RUNX2: variants seen among roughly 807,000 people sequenced by gnomAD.
RUNX2 encodes the protein runt-related transcription factor 2.
A neutral mutation model predicts 51.7 loss-of-function variants in RUNX2; 10 were observed. That is an observed-to-expected ratio of 0.19 (90% CI 0.12 to 0.33). The LOEUF is 0.33. RUNX2 is among the 10% of genes least tolerant of loss of function. The probability of loss-of-function intolerance (pLI) is 1.00; values close to 1 mark genes in which losing one functional copy is unlikely to be tolerated. For synonymous variants in RUNX2, 276 were observed against 273.6 expected, an observed-to-expected ratio of 1.01 and a Z score of -0.09; for missense variants, 562 against 691.3, an observed-to-expected ratio of 0.81 and a Z score of 2.10.
At position 45,353,391 on chromosome 6, in the gene RUNX2, T is replaced by C. The variant is rs9357485; in HGVS notation, c.58+24607T>C. 2.4e-3 allele frequency among the ~76,000 whole-genome samples: 371 copies of C among 152,022 alleles called. 13 individuals are homozygous for C. The East Asian group carries it at 0.065, about 26-fold the overall frequency. ...TGGACTTGAACTATAATACTAACTA[T>C]TAAAACATATTAAGAAGCTATAATA... On this transcript the variant is annotated intron_variant, in intron 2 of 8. Transcript: ENST00000647337.
chr6:45,479,279 C>T (rs939210731), intron 5 of RUNX2, among the ~76,000 whole-genome samples: 7 of 152,188 alleles, frequency 4.6e-5, no homozygotes, highest in African/African-American at 7.2e-5. Flanking sequence ...CAGTGAGCTT[C>T]ATAGGTTCTT....
intron 2 of RUNX2, among the ~76,000 whole-genome samples, chr6:45,372,545 A>G (rs1485436958): frequency 6.6e-6 from 1 of 152,206 alleles, no homozygotes; most frequent in Non-Finnish European, 1.5e-5. Context: ...TTAATGATTT[A>G]TATTTGTATG....
chr6:45,465,719 T>C (rs554884161), intron 5 of RUNX2, among the ~76,000 whole-genome samples: 6 of 151,684 alleles, frequency 4.0e-5, no homozygotes, highest in Non-Finnish European at 8.8e-5. Context: ...TTTGGCTCAC[T>C]GAAGCCTCTA....
At chr6:45,500,389 T>C (rs544661731) in intron 6 of RUNX2, among the ~76,000 whole-genome samples, 2 of 152,364 alleles carry the variant, frequency 1.3e-5, no homozygotes, top group South Asian at 2.1e-4. Context: ...TTTAGGGCTT[T>C]GTTTATTGTA....
intron 7 of RUNX2, among the ~76,000 whole-genome samples, chr6:45,536,923 A>G (rs1802055311): frequency 6.6e-6 from 1 of 152,172 alleles, no homozygotes; most frequent in South Asian, 2.1e-4. Flanking sequence ...TGTGGGGTTA[A>G]TCACGAATTT....
chr6:45,464,272 A>G (rs1046255991), intron 5 of RUNX2, among the ~76,000 whole-genome samples: 2 of 152,092 alleles, frequency 1.3e-5, no homozygotes, highest in African/African-American at 4.8e-5. Flanking sequence ...TGTATCAGGG[A>G]CTGTGTCTTT....
chr6:45,467,396 C>G lies in RUNX2; in HGVS notation c.686-24545C>G, dbSNP rs1364509258. ...TCCCGGGTTCAAGCGATTCACCTAC[C>G]TCAGCCTCCCAAGTAACTGGGACTA... On this transcript the variant is annotated intron_variant, in intron 5 of 8. Coordinates refer to ENST00000647337, the MANE Select transcript of RUNX2 (RefSeq NM_001024630.4). Among the ~76,000 whole-genome samples, 6 of 152,272 alleles carry G rather than the reference C, an allele frequency of 3.9e-5. No individual in the cohort carries two copies. In the East Asian group the frequency reaches 7.7e-4, roughly 20 times the overall value.
intron 2 of RUNX2, among the ~76,000 whole-genome samples, chr6:45,409,237 C>A (rs528765773): frequency 6.6e-6 from 1 of 152,316 alleles, no homozygotes; most frequent in South Asian, 2.1e-4. Context: ...AGGAACAGAG[C>A]AACAGGATCA....
intron 5 of RUNX2, among the ~76,000 whole-genome samples, chr6:45,452,856 G>A (rs1300565568): frequency 6.6e-6 from 1 of 152,158 alleles, no homozygotes; most frequent in East Asian, 1.9e-4. Context: ...TACTCAGAAA[G>A]CCTATTTTTC....
intron 1 of RUNX2, 83 bp from the exon 2 acceptor site, chr6:45,328,578 C>A: frequency 1.3e-6 from 2 of 1,578,946 alleles, no homozygotes; most frequent in South Asian, 2.3e-5. Flanking sequence ...AATTTCTTGA[C>A]AGAAAAAAAT....
chr6:45,387,505 A>G (rs1407558764), intron 2 of RUNX2, among the ~76,000 whole-genome samples: 1 of 152,210 alleles, frequency 6.6e-6, no homozygotes, highest in East Asian at 1.9e-4. Context: ...GAGACAATGA[A>G]ATGCCCGAGA....
chr6:45,538,503 G>A (rs1802109692), intron 7 of RUNX2, among the ~76,000 whole-genome samples: 1 of 152,034 alleles, frequency 6.6e-6, no homozygotes, highest in Admixed American at 6.6e-5. Context: ...TTTTTAGGAG[G>A]GAAAGGCTAT....
chr6:45,419,961 T>TG (rs1798144205), intron 2 of RUNX2, among the ~76,000 whole-genome samples: 1 of 151,418 alleles, frequency 6.6e-6, no homozygotes, highest in African/African-American at 2.4e-5. Flanking sequence ...TGGAGGGATT[T>TG]GGGGAAGAGG....
chr6:45,349,267 C>A (rs1449040674), intron 2 of RUNX2, among the ~76,000 whole-genome samples: 1 of 152,190 alleles, frequency 6.6e-6, no homozygotes, highest in Non-Finnish European at 1.5e-5. Flanking sequence ...GTCCCACAAT[C>A]TTCCATTTAA....
chr6:45,478,330 T>G (rs1407761632), intron 5 of RUNX2, among the ~76,000 whole-genome samples: 3 of 152,266 alleles, frequency 2.0e-5, no homozygotes, highest in African/African-American at 7.2e-5. Flanking sequence ...ATTTGCATAG[T>G]GGTTTTACCT....
intron 7 of RUNX2, among the ~76,000 whole-genome samples, chr6:45,519,691 G>A (rs922146097): frequency 2.6e-5 from 4 of 151,144 alleles, no homozygotes; most frequent in African/African-American, 9.8e-5. Context: ...TTGGTAATAT[G>A]CATTTAAGTT....
chr6:45,527,093 G>T (rs937270669), intron 7 of RUNX2, among the ~76,000 whole-genome samples: 4 of 152,180 alleles, frequency 2.6e-5, no homozygotes, highest in African/African-American at 9.6e-5. Context: ...AAAAGAGTTA[G>T]CCCTGTCAAG....
intron 2 of RUNX2, among the ~76,000 whole-genome samples, chr6:45,342,020 G>A (rs1190269563): frequency 6.6e-6 from 1 of 151,922 alleles, no homozygotes; most frequent in Non-Finnish European, 1.5e-5. Context: ...ACGGAGACTG[G>A]ACTGAAAAAT....
chr6:45,437,922 AT>A, intron 4 of RUNX2, 24 bp from the exon 5 acceptor site: 1 of 1,504,806 alleles, frequency 6.6e-7, no homozygotes, highest in Non-Finnish European at 9.3e-7. Context: ...TATTCACTGT[AT>A]ATTTTCCCCT....
Sources: gnomAD v4.1 joint callset for allele counts (sites outside exome capture counted in the v4.1 genomes callset) on GRCh38, gnomAD v4.1.1 for gene constraint, MANE v1.5 for transcripts, NCBI Gene and HGNC (gene_info 2026-07-23, HGNC 2026-07-21) for gene names.